PTPRG: variants seen among roughly 807,000 people sequenced by gnomAD.
PTPRG encodes receptor-type tyrosine-protein phosphatase gamma.
Under a neutral mutation model 165.3 loss-of-function variants are expected in PTPRG, and 102 were observed. The observed-to-expected ratio is 0.62, with a 90% confidence interval of 0.53 to 0.73. PTPRG has a LOEUF of 0.73. PTPRG is among the 30% of genes least tolerant of loss of function. PTPRG has a pLI of 0.00. For missense variants in PTPRG, 1,866 were observed against 1,861.4 expected (o/e 1.00, Z -0.05); for synonymous variants, 675 against 669.5 (o/e 1.01, Z -0.13).
chr3:61,736,108 ATGTTACCCAGGCTGG>A (rs2032712357), intron 1 of PTPRG, among the ~76,000 whole-genome samples: 1 of 151,726 alleles, frequency 6.6e-6, no homozygotes, highest in Non-Finnish European at 1.5e-5. Flanking sequence ...GGGTTTCACC[ATGTTACCCAGGCTGG>A]TCTCAAACTC....
chr3:61,958,152 A>T (rs1225060816), intron 2 of PTPRG, among the ~76,000 whole-genome samples: 2 of 150,760 alleles, frequency 1.3e-5, no homozygotes, highest in Admixed American at 6.6e-5. Context: ...TTTGAGACAG[A>T]CTCTTACTCT....
At chr3:62,282,427 C>A in intron 27 of PTPRG, among the ~76,000 whole-genome samples, 1 of 150,628 alleles carries the variant, frequency 6.6e-6, no homozygotes. Flanking sequence ...GACAGATCTC[C>A]CTGTGTTGCC....
intron 6 of PTPRG, among the ~76,000 whole-genome samples, chr3:62,147,899 T>C (rs1030316713): frequency 2.0e-5 from 3 of 152,182 alleles, no homozygotes; most frequent in African/African-American, 7.2e-5. Flanking sequence ...CTCACGCCTG[T>C]AATCCTAACA....
At chr3:61,702,525 G>A (rs1011665908) in intron 1 of PTPRG, among the ~76,000 whole-genome samples, 4 of 152,114 alleles carry the variant, frequency 2.6e-5, no homozygotes, top group African/African-American at 9.7e-5. Context: ...TTATACACAC[G>A]TGTACACACA....
At chr3:61,740,219 A>G (rs1334099109) in intron 1 of PTPRG, among the ~76,000 whole-genome samples, 3 of 152,208 alleles carry the variant, frequency 2.0e-5, no homozygotes. Context: ...TGGTAATATT[A>G]TAGAATCAGG....
intron 2 of PTPRG, among the ~76,000 whole-genome samples, chr3:61,865,648 G>T (rs954691269): frequency 6.6e-6 from 1 of 152,194 alleles, no homozygotes; most frequent in Non-Finnish European, 1.5e-5. Context: ...GACAGGGCAG[G>T]TGGCAGCAAG....
At chr3:62,065,453 T>A (rs1406238173) in intron 4 of PTPRG, among the ~76,000 whole-genome samples, 3 of 152,224 alleles carry the variant, frequency 2.0e-5, no homozygotes, top group Non-Finnish European at 4.4e-5. Flanking sequence ...AGTGAATACA[T>A]GTACCACCTT....
chr3:62,024,313 C>G (rs1362639837), intron 4 of PTPRG, among the ~76,000 whole-genome samples: 1 of 152,084 alleles, frequency 6.6e-6, no homozygotes, highest in Non-Finnish European at 1.5e-5. Flanking sequence ...TATCAAGATA[C>G]TTTTACAGAA....
intron 4 of PTPRG, among the ~76,000 whole-genome samples, chr3:62,038,861 G>A (rs1297938537): frequency 6.6e-6 from 1 of 151,980 alleles, no homozygotes; most frequent in Non-Finnish European, 1.5e-5. Flanking sequence ...GCTAAACTTG[G>A]ATCATGGTAG....
intron 5 of PTPRG, among the ~76,000 whole-genome samples, chr3:62,115,217 T>C (rs1702817269): frequency 6.6e-6 from 1 of 152,188 alleles, no homozygotes; most frequent in African/African-American, 2.4e-5. Context: ...TCAGGTTTCA[T>C]GGAAGGTGGT....
intron 2 of PTPRG, among the ~76,000 whole-genome samples, chr3:61,752,795 A>AAAAAAAAAAAAAAAAG (rs1553660803): frequency 1.8e-5 from 2 of 108,212 alleles, no homozygotes; most frequent in African/African-American, 7.1e-5. Context: ...CAAAAAAAAA[A>AAAAAAAAAAAAAAAAG]AAAAAAGAAA....
At chr3:61,623,245 T>A (rs1292348808) in intron 1 of PTPRG, among the ~76,000 whole-genome samples, 1 of 152,180 alleles carries the variant, frequency 6.6e-6, no homozygotes, top group East Asian at 1.9e-4. Flanking sequence ...GGTGGTGGAA[T>A]ACATTGGCCC....
intron 2 of PTPRG, among the ~76,000 whole-genome samples, chr3:61,820,673 C>T (rs961515378): frequency 2.4e-4 from 32 of 135,984 alleles, no homozygotes; most frequent in South Asian, 1.2e-3. Flanking sequence ...TGTTGAATCA[C>T]GGTGTTCATT....
At chr3:61,990,530 G>A (rs996685073) in intron 3 of PTPRG, among the ~76,000 whole-genome samples, 1 of 152,078 alleles carries the variant, frequency 6.6e-6, no homozygotes, top group Non-Finnish European at 1.5e-5. Flanking sequence ...AATTACTGTT[G>A]TGCAAATATC....
intron 1 of PTPRG, among the ~76,000 whole-genome samples, chr3:61,575,248 G>A (rs1441822999): frequency 2.0e-5 from 3 of 152,134 alleles, no homozygotes; most frequent in Non-Finnish European, 4.4e-5. Flanking sequence ...GATTTCTGGG[G>A]AGTCTAGGGG....
rs57724170 is a variant in PTPRG at position 62,139,704 on chromosome 3, C to A, written c.682+7036C>A. 2.2e-3 allele frequency among the ~76,000 whole-genome samples: 330 copies of A among 152,292 alleles called. 2 individuals carry two copies. The highest frequency in any genetic ancestry group is 7.4e-3 in the African/African-American group (308 of 41,546). ...CTGGCAGTTGTGGCTATGACAAGAT[C>A]AAAACTTTTCTAGCAGACCAGCTTT... is the stretch of plus-strand genomic sequence containing the variant. On this transcript the variant is annotated intron_variant, in intron 6 of 29. Transcript: ENST00000474889.
Position 62,003,360 on chromosome 3 carries a change from C to A in PTPRG, c.382C>A (p.Leu128Met), listed in dbSNP as rs1262040776. 3 of 1,613,688 alleles carry A rather than the reference C, an allele frequency of 1.9e-6. No individual in the cohort carries two copies. The East Asian group carries it at 6.7e-5, about 36-fold the overall frequency. The change falls in exon 4 of 30, where the codon CTG (leucine) becomes ATG (methionine). Residue 128 changes from leucine to methionine, a missense_variant. By Grantham distance (15) the Leu-to-Met change is conservative. This residue lies in a region of PTPRG where 408 missense variants were observed against 376.2 expected (regional missense o/e 1.08). Transcript: ENST00000474889. ...TTTGTTTCACACAGTCGCCATCCTT[C>A]TGAAAGACGACTATTTTGTCAGTGG... ...KNTGKTVAIL[L>M]KDDYFVSGAG...
At chr3:62,147,773 C>T (rs1056327321) in intron 6 of PTPRG, among the ~76,000 whole-genome samples, 6 of 152,162 alleles carry the variant, frequency 3.9e-5, no homozygotes, top group African/African-American at 1.2e-4. Flanking sequence ...TATGTACAGG[C>T]AAGGTCTTCG....
In PTPRG at chr3:61,984,519, C is replaced by A. The variant is rs150683915; in HGVS notation, c.191-5106C>A. ...ACGGCCTAAGTGCATACCAGTAAAT[C>A]CAGTAAAACCTGGTTAGTAAAATTT... On this transcript the variant is annotated intron_variant, in intron 2 of 29. Coordinates refer to ENST00000474889, the MANE Select transcript of PTPRG (RefSeq NM_002841.4). 8.8e-3 allele frequency among the ~76,000 whole-genome samples: 1,341 copies of A among 152,262 alleles called. 19 individuals are homozygous for A. The highest frequency in any genetic ancestry group is 0.03 in the African/African-American group (1,241 of 41,540).
Sources: allele counts gnomAD v4.1 joint callset (sites outside exome capture counted in the v4.1 genomes callset), GRCh38; gene constraint gnomAD v4.1.1; regional missense constraint gnomAD v4.1.1; transcripts MANE v1.5; gene names NCBI Gene and HGNC (gene_info 2026-07-23, HGNC 2026-07-21).